The following GAD2 variants were observed in gnomAD, a reference collection of about 807,000 sequenced individuals.
GAD2 encodes the protein glutamate decarboxylase 2.
GAD2 carries 22 observed loss-of-function variants against 80.1 expected under a neutral mutation model. The observed-to-expected ratio is 0.27, with a 90% CI of 0.20 to 0.39. The LOEUF (loss-of-function observed/expected upper bound fraction) is 0.39, where lower values mean the gene tolerates loss of function less well. GAD2 is among the 10% of genes least tolerant of loss of function. The pLI, the probability that GAD2 is intolerant of heterozygous loss-of-function variation, is 1.00. For synonymous variants in GAD2, 274 were observed against 256.9 expected, an observed-to-expected ratio of 1.07 and a Z score of -0.64; for missense variants, 624 against 738.4, an observed-to-expected ratio of 0.85 and a Z score of 1.80.
chr10:26,217,891 A>G lies in GAD2; in HGVS notation c.186A>G (p.Gln62=). 1.2e-6 allele frequency: 2 copies of G among 1,605,776 alleles called. No homozygotes were observed. Among genetic ancestry groups the G allele is most frequent in the Non-Finnish European group, 1.7e-6 (2 of 1,176,486 alleles). The change falls in exon 3 of 16, where the codon CAA becomes CAG. Residue 62 remains glutamine (Q), a synonymous_variant. Coordinates refer to ENST00000376261, the MANE Select transcript of GAD2 (RefSeq NM_001134366.2). The surrounding 1 kb of genome is among the most constrained non-coding windows in gnomAD (Gnocchi z 4.9). ...AGCCGGCGGAGAGCGGCGGGAGCCA[A>G]CCCCCGCGGGCCGCCGCCCGGAAGG... ...AEKPAESGGS[Q]PPRAAARKAA... is the part of the protein sequence containing the mutation.
intron 7 of GAD2, among the ~76,000 whole-genome samples, chr10:26,237,229 G>A (rs1052987512): frequency 1.4e-4 from 21 of 152,176 alleles, no homozygotes; most frequent in African/African-American, 4.8e-4. Context: ...GGTGACGGAT[G>A]CTCCCTTGTT....
At position 26,294,651 on chromosome 10, in the gene GAD2, G is replaced by T. The variant is rs568734369; in HGVS notation, c.1584+1660G>T. On this transcript the variant is annotated intron_variant, in intron 15 of 15. Coordinates refer to ENST00000376261, the MANE Select transcript of GAD2 (RefSeq NM_001134366.2). ...AATGGAAGAAAGCTTCTAGAACCAG[G>T]ATCCGTGGTGCATGTGTCTGAGATG... Among the ~76,000 whole-genome samples, 5 of 152,266 alleles carry T rather than the reference G, an allele frequency of 3.3e-5. No individual in the cohort carries two copies. In the South Asian group the frequency reaches 8.3e-4, roughly 25 times the overall value.
At chr10:26,273,188 A>C (rs1466735150) in intron 10 of GAD2, among the ~76,000 whole-genome samples, 3 of 152,236 alleles carry the variant, frequency 2.0e-5, no homozygotes, top group Non-Finnish European at 4.4e-5. Flanking sequence ...CACATCAGTG[A>C]AATAGAGTTA....
intron 7 of GAD2, among the ~76,000 whole-genome samples, chr10:26,240,687 A>G (rs113875013): frequency 0.17 from 25,639 of 150,810 alleles, 3,488 homozygotes; most frequent in African/African-American, 0.38. Flanking sequence ...AGCTAAGATC[A>G]AGCCACTGCA....
chr10:26,224,604 A>C lies in GAD2; in HGVS notation c.677A>C (p.Glu226Ala). 6.2e-7 allele frequency: 1 copy of C among 1,614,054 alleles called. No individual in the cohort carries two copies. The highest frequency in any genetic ancestry group is 8.5e-7 in the Non-Finnish European group (1 of 1,179,914). Residue 226 changes from glutamate to alanine, a missense_variant, in exon 6 of 16, where the codon GAA becomes GCA. Coordinates refer to ENST00000376261, the MANE Select transcript of GAD2 (RefSeq NM_001134366.2). ...TATGTCACACTAAAGAAAATGAGAG[A>C]AATCATTGGCTGGCCAGGGGGCTCT... ...LEYVTLKKMREIIGWPGGSGD... is the reference protein window; with the variant it reads ...LEYVTLKKMRAIIGWPGGSGD...
At chr10:26,250,904 G>T (rs1308958645) in intron 8 of GAD2, among the ~76,000 whole-genome samples, 2 of 117,120 alleles carry the variant, frequency 1.7e-5, no homozygotes, top group African/African-American at 6.9e-5. Flanking sequence ...TTTTGAGACA[G>T]AGTCTTGCTC....
At chr10:26,231,913 CTT>C (rs1844607366) in intron 7 of GAD2, among the ~76,000 whole-genome samples, 1 of 152,184 alleles carries the variant, frequency 6.6e-6, no homozygotes, top group South Asian at 2.1e-4. Context: ...CTGCCTCTCT[CTT>C]TTGGATCTAC....
At chr10:26,290,097 A>T (rs1467047811) in intron 13 of GAD2, among the ~76,000 whole-genome samples, 1 of 152,194 alleles carries the variant, frequency 6.6e-6, no homozygotes, top group Non-Finnish European at 1.5e-5. Flanking sequence ...ACCAGGAAAA[A>T]AATATTAAAG....
rs1264450842 is a variant in GAD2 at position 26,217,921 on chromosome 10, C to G, written c.216C>G (p.Ala72=). The change falls in exon 3 of 16, where the codon GCC becomes GCG. Residue 72 remains alanine, a synonymous_variant. Coordinates refer to ENST00000376261, the MANE Select transcript of GAD2 (RefSeq NM_001134366.2). This position sits in a 1 kb window ranked among gnomAD's most constrained non-coding sequence, Gnocchi z 4.9. The part of the protein sequence containing the change: ...QPPRAAARKA[A]CACDQKPCSC... ...CGCGGGCCGCCGCCCGGAAGGCCGCCTGCGCCTGCGACCAGAAGCCCTGCA... is the reference window on the plus strand; with the variant it reads ...CGCGGGCCGCCGCCCGGAAGGCCGCGTGCGCCTGCGACCAGAAGCCCTGCA... The G allele has an allele frequency of 1.2e-6, 2 of 1,611,498 alleles. No homozygotes were observed. Among genetic ancestry groups the G allele is most frequent in the Non-Finnish European group, 1.7e-6 (2 of 1,179,134 alleles).
chr10:26,299,747 TG>T (rs1834310011), intron 15 of GAD2, among the ~76,000 whole-genome samples: 1 of 152,126 alleles, frequency 6.6e-6, no homozygotes, highest in Non-Finnish European at 1.5e-5. Context: ...TCAGAATCTA[TG>T]GGGAAGGATC....
chr10:26,300,710 G>A lies in GAD2; in HGVS notation c.1585-78G>A, dbSNP rs1443439435. 5.3e-5 allele frequency: 71 copies of A among 1,327,140 alleles called. 1 individual carries two copies. The South Asian group carries it at 5.8e-4, about 11-fold the overall frequency. The allele number at this position is 1,327,140 out of a possible 1,614,324, so 82.2% of individuals were successfully genotyped here. A position where few individuals can be genotyped will look rare whatever the true frequency, so the allele number is the denominator to read the frequency against. On this transcript the variant is annotated intron_variant, in intron 15 of 15. Transcript: ENST00000376261. ...GACTGTTGAGCTAAAAACTAAAGAC[G>A]CTGCTTGCTGTTGGGTTCTTTGACT... is the stretch of plus-strand genomic sequence containing the variant.
At chr10:26,260,604 G>A (rs968496274) in intron 8 of GAD2, among the ~76,000 whole-genome samples, 1 of 152,132 alleles carries the variant, frequency 6.6e-6, no homozygotes, top group African/African-American at 2.4e-5. Flanking sequence ...CTCCAGCGTG[G>A]GTGCCAGAGC....
chr10:26,270,649 C>T lies in GAD2; in HGVS notation c.985C>T (p.Pro329Ser), dbSNP rs1258625807. Residue 329 changes from proline to serine, a missense_variant, in exon 10 of 16, where the codon CCT becomes TCT. Pro to Ser is a moderately conservative substitution (Grantham distance 74). Coordinates refer to ENST00000376261, the MANE Select transcript of GAD2 (RefSeq NM_001134366.2). ...TTTCTCGTTCGCACAGGGGTTTGTTCCTTTCCTCGTGAGTGCCACAGCTGG... is the reference window on the plus strand; with the variant it reads ...TTTCTCGTTCGCACAGGGGTTTGTTTCTTTCCTCGTGAGTGCCACAGCTGG... ...ILEAKQKGFV[P>S]FLVSATAGTT... 1.2e-6 allele frequency: 2 copies of T among 1,613,018 alleles called. No individual in the cohort carries two copies. The highest frequency in any genetic ancestry group is 2.2e-5 in the East Asian group (1 of 44,876).
chr10:26,224,065 T>C (rs909997748), intron 5 of GAD2, 88 bp downstream of exon 5: 42 of 934,892 alleles, frequency 4.5e-5, no homozygotes, highest in Admixed American at 2.0e-4. Context: ...AATCTGTTTT[T>C]TATTAAGTAG....
chr10:26,277,591 G>T (rs1466845554), intron 11 of GAD2, among the ~76,000 whole-genome samples: 1 of 152,222 alleles, frequency 6.6e-6, no homozygotes, highest in Non-Finnish European at 1.5e-5. Flanking sequence ...AAGCTCTTAG[G>T]AACGTCCAGG....
chr10:26,292,622 C>T (rs761001455), intron 14 of GAD2, 50 bp downstream of exon 14: 27 of 1,326,772 alleles, frequency 2.0e-5, no homozygotes, highest in Middle Eastern at 1.8e-4. Context: ...AATTCCAACC[C>T]TCATCACTGA....
chr10:26,271,963 T>C (rs1262882283), intron 10 of GAD2, among the ~76,000 whole-genome samples: 2 of 152,196 alleles, frequency 1.3e-5, no homozygotes, highest in Admixed American at 1.3e-4. Context: ...TTTCTCCATA[T>C]TGGCCAGGCT....
Position 26,292,985 on chromosome 10 carries a change from C to G in GAD2, c.1578C>G (p.Leu526=), listed in dbSNP as rs1332523512. ...LEDNEERMSR[L]SKVAPVIKAR... ...ACAATGAAGAGAGAATGAGTCGCCTCTCGAAGGTCAGTGCTCCAAGCTCCT... is the reference window on the plus strand; with the variant it reads ...ACAATGAAGAGAGAATGAGTCGCCTGTCGAAGGTCAGTGCTCCAAGCTCCT... Residue 526 remains leucine, a synonymous_variant, in exon 15 of 16, where the codon CTC becomes CTG. Transcript: ENST00000376261. The G allele has an allele frequency of 6.2e-7, 1 of 1,612,466 alleles. No individual in the cohort carries two copies. The highest frequency in any genetic ancestry group is 2.2e-5 in the East Asian group (1 of 44,874).
At chr10:26,224,717 G>A (rs1227709102) in intron 6 of GAD2, 66 bp downstream of exon 6, 10 of 1,185,018 alleles carry the variant, frequency 8.4e-6, no homozygotes, top group Non-Finnish European at 1.1e-5. Flanking sequence ...TGTAAACCTA[G>A]GGAAGATTAA....
Sources: gnomAD v4.1 joint callset for allele counts (sites outside exome capture counted in the v4.1 genomes callset) on GRCh38, gnomAD v4.1.1 for gene constraint, Gnocchi (gnomAD v3.1) non-coding constraint, MANE v1.5 for transcripts, NCBI Gene and HGNC (gene_info 2026-07-23, HGNC 2026-07-21) for gene names.